AGXT2: variants seen among roughly 807,000 people sequenced by gnomAD.
The protein encoded by AGXT2 is alanine--glyoxylate aminotransferase 2, mitochondrial.
AGXT2 carries 61 observed loss-of-function variants against 62.5 expected under a neutral mutation model. The observed-to-expected ratio is 0.98, with a 90% CI of 0.79 to 1.21. The LOEUF (loss-of-function observed/expected upper bound fraction) is 1.21. AGXT2 is among the 50% of genes most tolerant of loss of function. AGXT2 has a pLI of 0.00. For synonymous variants in AGXT2, 243 were observed against 218.7 expected, an observed-to-expected ratio of 1.11 and a Z score of -0.98; for missense variants, 666 against 641.5, an observed-to-expected ratio of 1.04 and a Z score of -0.41.
At chr5:35,007,229 G>C (rs545187246) in intron 12 of AGXT2, among the ~76,000 whole-genome samples, 1 of 152,180 alleles carries the variant, frequency 6.6e-6, no homozygotes, top group Admixed American at 6.5e-5. Context: ...GTGGGCCCTC[G>C]TCAGACACCA....
At chr5:35,010,774 T>C (rs1766611079) in intron 11 of AGXT2, among the ~76,000 whole-genome samples, 1 of 152,222 alleles carries the variant, frequency 6.6e-6, no homozygotes, top group African/African-American at 2.4e-5. Context: ...AGGCTTGTTA[T>C]TGTCAGGCTT....
At chr5:35,003,995 G>T (rs1766332849) in intron 12 of AGXT2, 134 bp from the exon 13 acceptor site, 2 of 736,398 alleles carry the variant, frequency 2.7e-6, no homozygotes, top group African/African-American at 1.8e-5. Flanking sequence ...CTTTCTCTCT[G>T]TCCTCTCCTT....
chr5:35,033,622 C>T, intron 5 of AGXT2, 69 bp from the exon 6 acceptor site: 1 of 1,206,786 alleles, frequency 8.3e-7, no homozygotes, highest in Non-Finnish European at 1.2e-6. Flanking sequence ...AAAGAGAAAA[C>T]CCAGGAAGGC....
intron 3 of AGXT2, among the ~76,000 whole-genome samples, chr5:35,038,345 T>C (rs1157262794): frequency 6.6e-6 from 1 of 152,256 alleles, no homozygotes; most frequent in African/African-American, 2.4e-5. Flanking sequence ...AGACTGTCAA[T>C]GTTACTGGGA....
rs1580607986 is a variant in AGXT2 at position 35,037,033 on chromosome 5, C to T, written c.395G>A (p.Gly132Asp). 1 of 1,614,070 alleles carries T rather than the reference C, an allele frequency of 6.2e-7. No individual in the cohort carries two copies. Among genetic ancestry groups the T allele is most frequent in the East Asian group, 2.2e-5 (1 of 44,898 alleles). The change falls in exon 4 of 14, where the codon GGC (glycine) becomes GAC (aspartate). Residue 132 changes from glycine (G) to aspartate (D), a missense_variant. Gly to Asp is a moderately conservative substitution (Grantham distance 94). Transcript: ENST00000231420. ...KVNAVAQKQL[G>D]RLWHTSTVFF... ...GACGGTGCTTGTATGCCACAGGCGG[C>T]CGAGCTGCTTTTGTGCCACTGCATT...
chr5:35,041,223 C>CAAA (rs3034208), intron 1 of AGXT2, among the ~76,000 whole-genome samples: 532 of 51,380 alleles, frequency 0.01, 26 homozygotes, highest in African/African-American at 0.046. Context: ...CTCCCCCCGC[C>CAAA]AAAAAAAAAA....
intron 13 of AGXT2, among the ~76,000 whole-genome samples, chr5:35,002,779 G>A (rs568212039): frequency 6.9e-5 from 9 of 131,250 alleles, no homozygotes; most frequent in Non-Finnish European, 1.3e-4. Context: ...AGCAGGCTGG[G>A]GGGGGGGACT....
chr5:35,019,915 C>A (rs1424680145), intron 9 of AGXT2, among the ~76,000 whole-genome samples: 1 of 152,166 alleles, frequency 6.6e-6, no homozygotes, highest in Admixed American at 6.5e-5. Flanking sequence ...CACAGAAATA[C>A]AAACTACCAT....
intron 3 of AGXT2, 58 bp from the exon 4 acceptor site, chr5:35,037,123 ACC>A: frequency 1.9e-6 from 3 of 1,611,162 alleles, no homozygotes; most frequent in Non-Finnish European, 2.5e-6. Flanking sequence ...TCCTGCACAC[ACC>A]CTGGTCATTG....
At chr5:35,000,171 C>A (rs1038313339) in intron 13 of AGXT2, among the ~76,000 whole-genome samples, 4 of 152,122 alleles carry the variant, frequency 2.6e-5, no homozygotes, top group African/African-American at 9.7e-5. Flanking sequence ...AAGTTACCTG[C>A]AAGTGTGGAA....
chr5:35,001,705 G>C (rs190258410), intron 13 of AGXT2, among the ~76,000 whole-genome samples: 2 of 152,154 alleles, frequency 1.3e-5, no homozygotes, highest in East Asian at 3.9e-4. Context: ...GGTGTGATGT[G>C]GTGTGCAAAA....
chr5:35,040,737 C>A, intron 1 of AGXT2, 74 bp from the exon 2 acceptor site: 1 of 1,070,184 alleles, frequency 9.3e-7, no homozygotes, highest in South Asian at 1.3e-5. Context: ...CTATAGTTAT[C>A]CAAATAAAAC....
chr5:35,013,941 A>G lies in AGXT2; in HGVS notation c.1096+46T>C, dbSNP rs548488819. ...CAACACACGTGTTATACCATAGCCC[A>G]ATGTACGAGGCCCAGAAGCAAACAC... On this transcript the variant is annotated intron_variant, in intron 10 of 13. Transcript: ENST00000231420. 1.9e-6 allele frequency: 3 copies of G among 1,613,586 alleles called. No homozygotes were observed. The Admixed American group carries it at 5.0e-5, about 27-fold the overall frequency.
intron 3 of AGXT2, among the ~76,000 whole-genome samples, chr5:35,038,498 G>A (rs889093981): frequency 5.3e-5 from 8 of 152,210 alleles, no homozygotes; most frequent in African/African-American, 1.9e-4. Flanking sequence ...GTCTCCTGAT[G>A]ATGGAAGAGG....
rs570613982 is a variant in AGXT2, at chr5:35,023,006, AT to A, written c.963+2756del. The stretch of plus-strand genomic sequence containing the variant: ...GCTCCTAAATGTTTGTCTTCTGCAA[AT>A]TTTTTTTTTTAATTAGTGAGTTTAC... On this transcript the variant is annotated intron_variant, in intron 9 of 13. Transcript: ENST00000231420. Among the ~76,000 whole-genome samples, 664 of 147,776 alleles carry A rather than the reference AT, an allele frequency of 4.5e-3. 4 individuals carry two copies. Among genetic ancestry groups the A allele is most frequent in the African/African-American group, 0.014 (585 of 40,628 alleles).
At chr5:35,002,813 C>T (rs1055625336) in intron 13 of AGXT2, among the ~76,000 whole-genome samples, 1 of 151,354 alleles carries the variant, frequency 6.6e-6, no homozygotes, top group African/African-American at 2.4e-5. Context: ...AGAATAAATG[C>T]GGGGACCGAT....
At chr5:35,039,175 C>A in intron 3 of AGXT2, 149 bp downstream of exon 3, 1 of 941,862 alleles carries the variant, frequency 1.1e-6, no homozygotes, top group South Asian at 1.5e-5. Context: ...AGATTTTGTA[C>A]TCAGGAAATA....
At chr5:35,046,807 G>A (rs915826923) in intron 1 of AGXT2, among the ~76,000 whole-genome samples, 1 of 152,176 alleles carries the variant, frequency 6.6e-6, no homozygotes, top group African/African-American at 2.4e-5. Flanking sequence ...GGCCCGTGAA[G>A]CACAGGCACA....
chr5:35,045,783 T>TG (rs1249844248), intron 1 of AGXT2, among the ~76,000 whole-genome samples: 1 of 120,408 alleles, frequency 8.3e-6, no homozygotes, highest in African/African-American at 3.1e-5. Flanking sequence ...TTTTTTTTTT[T>TG]TTGAGAAGGA....
Sources: gnomAD v4.1 joint callset for allele counts (sites outside exome capture counted in the v4.1 genomes callset) on GRCh38, gnomAD v4.1.1 for gene constraint, MANE v1.5 for transcripts, NCBI Gene and HGNC (gene_info 2026-07-23, HGNC 2026-07-21) for gene names.